PPP2R2C: variants seen among roughly 807,000 people sequenced by gnomAD.
PPP2R2C encodes protein phosphatase 2, regulatory subunit B, gamma.
A neutral mutation model predicts 45.3 loss-of-function variants in PPP2R2C; 10 were observed. The ratio of observed to expected loss-of-function variants is 0.22; its 90% CI spans 0.14 to 0.37. PPP2R2C has a LOEUF of 0.37. Among genes scored for constraint, PPP2R2C ranks in the 10% least tolerant of loss-of-function variants. The pLI, the probability that PPP2R2C is intolerant of heterozygous loss-of-function variation, is 1.00. For synonymous variants in PPP2R2C, 257 were observed against 245.4 expected, an observed-to-expected ratio of 1.05 and a Z score of -0.44; for missense variants, 308 against 619.7, an observed-to-expected ratio of 0.50 and a Z score of 5.34.
At chr4:6,551,670 C>T (rs1020954226) in intron 1 of PPP2R2C, among the ~76,000 whole-genome samples, 1 of 152,238 alleles carries the variant, frequency 6.6e-6, no homozygotes, top group Non-Finnish European at 1.5e-5. Context: ...CCACCCTGGG[C>T]TGCCATGCTG....
At chr4:6,473,704 TC>T (rs1318938776), upstream of PPP2R2C, among the ~76,000 whole-genome samples, 10 of 152,040 alleles carry the variant, frequency 6.6e-5, no homozygotes, top group Non-Finnish European at 1.2e-4. Flanking sequence ...TCCAGACAGC[TC>T]CCCAAACTGC....
chr4:6,448,702 G>C (rs1242578514), intron 1 of PPP2R2C, among the ~76,000 whole-genome samples: 1 of 152,112 alleles, frequency 6.6e-6, no homozygotes, highest in African/African-American at 2.4e-5. Context: ...AGAAGCCCAG[G>C]GACATTCCCC....
At chr4:6,469,302 C>G (rs4374689) in intron 1 of PPP2R2C, among the ~76,000 whole-genome samples, 79,002 of 151,830 alleles carry the variant, frequency 0.52, 21,665 homozygotes, top group Middle Eastern at 0.66. Context: ...GTATTCCAGG[C>G]AACAGCCATT....
At chr4:6,382,425 G>A in intron 1 of PPP2R2C, 2 of 1,351,970 alleles carry the variant, frequency 1.5e-6, no homozygotes, top group Non-Finnish European at 2.0e-6. Flanking sequence ...CCCAGCCTCT[G>A]TTCTCCCTCT....
chr4:6,395,520 G>A (rs1440297678), intron 1 of PPP2R2C, among the ~76,000 whole-genome samples: 11 of 152,164 alleles, frequency 7.2e-5, no homozygotes. Context: ...GTCTCTGGAG[G>A]ACAGTCTGCT....
At chr4:6,335,904 C>A (rs1174355390) in intron 6 of PPP2R2C, among the ~76,000 whole-genome samples, 1 of 152,100 alleles carries the variant, frequency 6.6e-6, no homozygotes, top group African/African-American at 2.4e-5. Flanking sequence ...CTGAAGCAGA[C>A]CCCTGAAGCT....
At chr4:6,481,288 TTA>T (rs1372670823) in intron 2 of PPP2R2C, among the ~76,000 whole-genome samples, 1 of 152,228 alleles carries the variant, frequency 6.6e-6, no homozygotes, top group Non-Finnish European at 1.5e-5. Context: ...TGTCCTTCCT[TTA>T]TGTTTTAGGA....
rs747730254 is a variant in PPP2R2C, at chr4:6,378,584, C to T, written c.169-12G>A. The T allele has an allele frequency of 5.0e-6, 8 of 1,609,540 alleles. No individual in the cohort carries two copies. The Admixed American group carries it at 1.3e-4, about 27-fold the overall frequency. ...GGCGCATTTTTACTCTGCAGGGAAACCCGGAGAAGGGGCCTGAGCACCGTG... is the reference window on the plus strand; with the variant it reads ...GGCGCATTTTTACTCTGCAGGGAAATCCGGAGAAGGGGCCTGAGCACCGTG... On this transcript the variant is annotated splice_polypyrimidine_tract_variant and intron_variant, in intron 2 of 8. Transcript: ENST00000382599. This position sits in a 1 kb window ranked among gnomAD's most constrained non-coding sequence, Gnocchi z 5.2.
intron 8 of PPP2R2C, among the ~76,000 whole-genome samples, 169 bp from the exon 9 acceptor site, chr4:6,323,762 T>G (rs1731719421): frequency 6.6e-6 from 1 of 151,532 alleles, no homozygotes; most frequent in African/African-American, 2.4e-5. Context: ...ATAGCGAGAC[T>G]CCACCTCTAC....
chr4:6,495,395 A>G (rs1722848871), intron 2 of PPP2R2C, among the ~76,000 whole-genome samples: 1 of 152,224 alleles, frequency 6.6e-6, no homozygotes, highest in South Asian at 2.1e-4. Context: ...GGGCACTCCC[A>G]GATCACCGGT....
At chr4:6,381,781 A>G in intron 1 of PPP2R2C, 1 of 1,613,366 alleles carries the variant, frequency 6.2e-7, no homozygotes, top group South Asian at 1.1e-5. Context: ...CCATACCTGG[A>G]GTCTTCAATG....
chr4:6,402,294 C>T (rs759365464), intron 1 of PPP2R2C, among the ~76,000 whole-genome samples: 4 of 152,162 alleles, frequency 2.6e-5, no homozygotes, highest in Admixed American at 6.5e-5. Context: ...ACTTTGCCTG[C>T]GGCTCTTCAT....
intron 5 of PPP2R2C, chr4:6,348,792 G>T: frequency 5.1e-6 from 4 of 791,162 alleles, no homozygotes; most frequent in Non-Finnish European, 6.1e-6. Flanking sequence ...GAAAGATCTG[G>T]TGATGCCATT....
At chr4:6,508,863 A>G (rs1723330196) in intron 2 of PPP2R2C, among the ~76,000 whole-genome samples, 1 of 152,180 alleles carries the variant, frequency 6.6e-6, no homozygotes, top group Non-Finnish European at 1.5e-5. Context: ...CCAAAAAACA[A>G]ATCAAGGGAA....
chr4:6,385,071 T>C (rs1716121647), intron 1 of PPP2R2C, among the ~76,000 whole-genome samples: 1 of 152,182 alleles, frequency 6.6e-6, no homozygotes, highest in African/African-American at 2.4e-5. Flanking sequence ...CACCAAAATG[T>C]ACTGGACAGA....
chr4:6,439,930 C>T (rs1341532642), intron 1 of PPP2R2C, among the ~76,000 whole-genome samples: 3 of 152,184 alleles, frequency 2.0e-5, no homozygotes, highest in Admixed American at 6.5e-5. Context: ...CTCCACTCCA[C>T]CTGCCCTACG....
intron 2 of PPP2R2C, among the ~76,000 whole-genome samples, chr4:6,520,248 G>A (rs1036953508): frequency 8.5e-5 from 13 of 152,130 alleles, no homozygotes; most frequent in African/African-American, 1.7e-4. Context: ...AGGGAGGCAC[G>A]GAGTGGACAC....
At chr4:6,441,380 G>T (rs577386177) in intron 1 of PPP2R2C, among the ~76,000 whole-genome samples, 2 of 151,966 alleles carry the variant, frequency 1.3e-5, no homozygotes, top group African/African-American at 4.8e-5. Context: ...TCCAGCTGCA[G>T]GGGAGGAGCC....
At chr4:6,327,038 C>A (rs960375671) in intron 8 of PPP2R2C, among the ~76,000 whole-genome samples, 12 of 152,214 alleles carry the variant, frequency 7.9e-5, no homozygotes, top group Non-Finnish European at 1.5e-4. Context: ...GTCTGTTTAT[C>A]TTGGGACCCC....
Sources: allele counts gnomAD v4.1 joint callset (sites outside exome capture counted in the v4.1 genomes callset), GRCh38; gene constraint gnomAD v4.1.1; non-coding constraint Gnocchi (gnomAD v3.1); transcripts MANE v1.5; gene names NCBI Gene and HGNC (gene_info 2026-07-23, HGNC 2026-07-21).